The following SEMA3A variants were observed in gnomAD, a reference collection of about 807,000 sequenced individuals.
The protein encoded by SEMA3A is semaphorin 3A.
A neutral mutation model predicts 97.9 loss-of-function variants in SEMA3A; 29 were observed. The observed-to-expected ratio is 0.30, with a 90% CI of 0.22 to 0.40. The LOEUF (loss-of-function observed/expected upper bound fraction) is 0.40, where lower values mean the gene tolerates loss of function less well. Among genes scored for constraint, SEMA3A ranks in the 10% least tolerant of loss-of-function variants. SEMA3A has a pLI of 1.00. For missense variants in SEMA3A, 763 were observed against 951.3 expected (o/e 0.80, Z 2.60); for synonymous variants, 321 against 323.7 (o/e 0.99, Z 0.09).
chr7:84,292,846 A>G (rs1412135215), intron 3 of SEMA3A, among the ~76,000 whole-genome samples: 2 of 152,084 alleles, frequency 1.3e-5, no homozygotes, highest in African/African-American at 4.8e-5. Flanking sequence ...ATATTTTAAC[A>G]TATATTTTAT....
At chr7:84,014,384 C>T (rs1266645477) in intron 6 of SEMA3A, 33 bp from the exon 7 acceptor site, 2 of 1,532,314 alleles carry the variant, frequency 1.3e-6, no homozygotes, top group Admixed American at 1.7e-5. Flanking sequence ...TATATTAATT[C>T]ACAGCTTAAT....
chr7:84,166,806 C>T (rs538554003), intron 1 of SEMA3A, among the ~76,000 whole-genome samples: 2 of 143,916 alleles, frequency 1.4e-5, no homozygotes, highest in South Asian at 4.5e-4. Flanking sequence ...ACTTGGAGGG[C>T]AGAGGCTGCA....
chr7:84,047,078 G>A (rs1241693698), intron 5 of SEMA3A, among the ~76,000 whole-genome samples: 1 of 151,876 alleles, frequency 6.6e-6, no homozygotes, highest in Non-Finnish European at 1.5e-5. Context: ...CCAAAAATAA[G>A]TCAACCACAT....
At chr7:84,067,464 C>G (rs1269666088) in intron 4 of SEMA3A, among the ~76,000 whole-genome samples, 2 of 151,320 alleles carry the variant, frequency 1.3e-5, no homozygotes, top group Non-Finnish European at 3.0e-5. Flanking sequence ...GCAAAAGAAA[C>G]TACCATCAGA....
intron 3 of SEMA3A, among the ~76,000 whole-genome samples, chr7:84,230,082 G>A (rs1030488812): frequency 2.6e-5 from 4 of 151,520 alleles, no homozygotes; most frequent in African/African-American, 9.7e-5. Context: ...TAAATCTCTG[G>A]CATTTGACAT....
intron 12 of SEMA3A, among the ~76,000 whole-genome samples, chr7:83,999,217 G>A (rs1790339951): frequency 6.6e-6 from 1 of 152,116 alleles, no homozygotes; most frequent in Admixed American, 6.6e-5. Context: ...TCGCAAGATT[G>A]TTGGTTTCCA....
At chr7:84,346,782 G>A (rs562117480) in intron 2 of SEMA3A, among the ~76,000 whole-genome samples, 3 of 152,304 alleles carry the variant, frequency 2.0e-5, no homozygotes, top group South Asian at 4.1e-4. Context: ...ACCAAAGTGT[G>A]ACACAGAGAC....
At chr7:84,424,410 T>C (rs1250562234) in intron 1 of SEMA3A, among the ~76,000 whole-genome samples, 4 of 132,556 alleles carry the variant, frequency 3.0e-5, no homozygotes, top group Non-Finnish European at 6.2e-5. Context: ...AAATATAATA[T>C]ATAATATATT....
At position 84,039,308 on chromosome 7, in the gene SEMA3A, T is replaced by C. The variant is rs145749905; in HGVS notation, c.667+7016A>G. 4.3e-3 allele frequency among the ~76,000 whole-genome samples: 661 copies of C among 152,198 alleles called. 5 individuals are homozygous for C. The highest frequency in any genetic ancestry group is 0.015 in the African/African-American group (629 of 41,540). On this transcript the variant is annotated intron_variant, in intron 6 of 16. Coordinates refer to ENST00000265362, the MANE Select transcript of SEMA3A (RefSeq NM_006080.3). ...ATGACTCCCAAAGTCACGTAAGTAA[T>C]AAATGGAGGACCTGGGATATAAACT...
chr7:83,989,063 T>A (rs555806679), intron 12 of SEMA3A, among the ~76,000 whole-genome samples: 54 of 152,298 alleles, frequency 3.5e-4, no homozygotes, highest in African/African-American at 1.1e-3. Context: ...TTTCCACAGA[T>A]ACTTCTTTCA....
chr7:83,997,281 A>G (rs1303230663), intron 12 of SEMA3A, among the ~76,000 whole-genome samples: 1 of 152,080 alleles, frequency 6.6e-6, no homozygotes, highest in Non-Finnish European at 1.5e-5. Context: ...GACCTTTTTT[A>G]TAGTATTTTA....
At chr7:84,001,920 G>A (rs1455855571) in intron 12 of SEMA3A, 35 bp downstream of exon 12, 1 of 1,455,128 alleles carries the variant, frequency 6.9e-7, no homozygotes, top group Non-Finnish European at 9.6e-7. Context: ...ACGTACAACT[G>A]AACTTGTTGA....
At chr7:84,452,714 G>A (rs1805589641) in intron 1 of SEMA3A, among the ~76,000 whole-genome samples, 1 of 152,132 alleles carries the variant, frequency 6.6e-6, no homozygotes, top group Admixed American at 6.6e-5. Context: ...ACCTCCATAG[G>A]GTGTTGCTGA....
chr7:84,146,556 T>C (rs1320139997), intron 1 of SEMA3A, among the ~76,000 whole-genome samples: 1 of 152,178 alleles, frequency 6.6e-6, no homozygotes, highest in Non-Finnish European at 1.5e-5. Context: ...AAATAACTAA[T>C]GAGCAATATT....
At chr7:84,377,404 T>C (rs1803129903) in intron 1 of SEMA3A, among the ~76,000 whole-genome samples, 1 of 152,136 alleles carries the variant, frequency 6.6e-6, no homozygotes, top group East Asian at 1.9e-4. Flanking sequence ...TGATAATCAG[T>C]TGGCTGTAAA....
At chr7:84,258,068 T>C (rs1032843433) in intron 3 of SEMA3A, among the ~76,000 whole-genome samples, 1 of 152,180 alleles carries the variant, frequency 6.6e-6, no homozygotes, top group African/African-American at 2.4e-5. Context: ...GTCATTGTCT[T>C]CGTGTTCAAA....
chr7:84,229,151 C>T (rs1799059627), intron 3 of SEMA3A, among the ~76,000 whole-genome samples: 1 of 151,674 alleles, frequency 6.6e-6, no homozygotes, highest in African/African-American at 2.4e-5. Flanking sequence ...AAATTGTGGA[C>T]TAAATTTGGC....
rs188690091 is a variant in SEMA3A at position 84,360,366 on chromosome 7, G to A, written c.-169+11458C>T. 1.8e-3 allele frequency among the ~76,000 whole-genome samples: 267 copies of A among 152,162 alleles called. 2 individuals are homozygous for A. The Middle Eastern group carries it at 0.034, about 19-fold the overall frequency. The stretch of plus-strand genomic sequence containing the variant: ...TGTCTCTGTTCTCGTTGGTTTCAAA[G>A]AACATCTTTATTTCGGCCTTCATTT... On this transcript the variant is annotated intron_variant, in intron 2 of 3. Transcript: ENST00000424555.
At chr7:84,470,926 A>G (rs1048200453) in intron 1 of SEMA3A, among the ~76,000 whole-genome samples, 8 of 152,096 alleles carry the variant, frequency 5.3e-5, no homozygotes, top group Admixed American at 1.3e-4. Context: ...AAAATAGATT[A>G]TGATTCTCTA....
Sources: gnomAD v4.1 joint callset for allele counts (sites outside exome capture counted in the v4.1 genomes callset) on GRCh38, gnomAD v4.1.1 for gene constraint, MANE v1.5 for transcripts, NCBI Gene and HGNC (gene_info 2026-07-23, HGNC 2026-07-21) for gene names.